Variants in ADCY2 observed in about 807,000 individuals in gnomAD.
ADCY2 encodes adenylate cyclase type 2.
A neutral mutation model predicts 125.2 loss-of-function variants in ADCY2; 31 were observed. The observed-to-expected ratio is 0.25, with a 90% confidence interval of 0.19 to 0.33. The LOEUF is 0.33. Among genes scored for constraint, ADCY2 ranks in the 10% least tolerant of loss-of-function variants. The pLI, the probability that ADCY2 is intolerant of heterozygous loss-of-function variation, is 1.00. For missense variants in ADCY2, 904 were observed against 1,418.2 expected, an observed-to-expected ratio of 0.64 and a Z score of 5.82; for synonymous variants, 512 against 548.4, an observed-to-expected ratio of 0.93 and a Z score of 0.93.
At position 7,706,864 on chromosome 5, in the gene ADCY2, G is replaced by A; in HGVS notation, c.1230G>A (p.Val410=). 3 of 1,614,200 alleles carry A rather than the reference G, an allele frequency of 1.9e-6. No homozygotes were observed. The East Asian group carries it at 6.7e-5, about 36-fold the overall frequency. ...KWQYDVWSHD[V]TLANHMEAGG... is the part of the protein sequence containing the mutation. ...AATATGATGTGTGGTCACATGATGT[G>A]ACCTTGGCCAACCACATGGAAGCTG... Residue 410 remains valine (V), a synonymous_variant, in exon 8 of 25, where the codon GTG becomes GTA. Coordinates refer to ENST00000338316, the MANE Select transcript of ADCY2 (RefSeq NM_020546.3).
At chr5:7,718,145 A>ATTTTTTT (rs59353850) in intron 12 of ADCY2, among the ~76,000 whole-genome samples, 15 of 115,412 alleles carry the variant, frequency 1.3e-4, no homozygotes, top group South Asian at 2.9e-4. Context: ...CCTGTTTTAG[A>ATTTTTTT]TTTTTTTTTT....
intron 3 of ADCY2, among the ~76,000 whole-genome samples, chr5:7,581,674 C>T (rs559909590): frequency 1.4e-5 from 2 of 145,660 alleles, no homozygotes; most frequent in Admixed American, 6.8e-5. Context: ...AAAAAAAAAT[C>T]GCTGGGTTTG....
intron 3 of ADCY2, among the ~76,000 whole-genome samples, chr5:7,523,719 C>T (rs1579534445): frequency 1.3e-5 from 2 of 152,228 alleles, no homozygotes; most frequent in South Asian, 2.1e-4. Context: ...TTATTGAATT[C>T]TTTTTATGCA....
At chr5:7,708,026 G>A in intron 9 of ADCY2, 188 bp downstream of exon 9, 1 of 644,744 alleles carries the variant, frequency 1.6e-6, no homozygotes, top group Non-Finnish European at 2.5e-6. Flanking sequence ...CTTATTAAAT[G>A]AGCAGTTGAA....
intron 2 of ADCY2, among the ~76,000 whole-genome samples, chr5:7,435,637 G>A (rs1206037964): frequency 6.6e-6 from 1 of 152,188 alleles, no homozygotes; most frequent in Non-Finnish European, 1.5e-5. Flanking sequence ...GAGAGTAGTT[G>A]GAGAATGTGT....
chr5:7,495,309 G>C (rs1021394741), intron 2 of ADCY2, among the ~76,000 whole-genome samples: 1 of 152,176 alleles, frequency 6.6e-6, no homozygotes, highest in Admixed American at 6.5e-5. Flanking sequence ...GGAAACGCCT[G>C]TATCTCTGTG....
In ADCY2 at chr5:7,585,077, G is replaced by A. The variant is rs1381586352; in HGVS notation, c.571-41090G>A. ...CTATGGGCACAGACATAGTATATAA[G>A]AGGTGGCCAGATTTCACCATCATTA... is the stretch of plus-strand genomic sequence containing the variant. On this transcript the variant is annotated intron_variant, in intron 3 of 24. Transcript: ENST00000338316. Among the ~76,000 whole-genome samples, 7 of 152,176 alleles carry A rather than the reference G, an allele frequency of 4.6e-5. 1 individual carries two copies. The highest frequency in any genetic ancestry group is 1.7e-4 in the African/African-American group (7 of 41,452).
At chr5:7,542,568 G>A (rs1398590665) in intron 3 of ADCY2, among the ~76,000 whole-genome samples, 1 of 152,192 alleles carries the variant, frequency 6.6e-6, no homozygotes. Flanking sequence ...AAAAAAGGAA[G>A]ATGGAAGAAA....
At chr5:7,405,418 G>T (rs911135014) in intron 1 of ADCY2, among the ~76,000 whole-genome samples, 6 of 151,840 alleles carry the variant, frequency 4.0e-5, no homozygotes, top group African/African-American at 1.5e-4. Flanking sequence ...CTACTGGCAG[G>T]TTAGTTAATC....
chr5:7,546,544 G>A (rs1296689183), intron 3 of ADCY2, among the ~76,000 whole-genome samples: 1 of 152,162 alleles, frequency 6.6e-6, no homozygotes, highest in Non-Finnish European at 1.5e-5. Context: ...TGCACCCACA[G>A]CCAATGATTC....
At chr5:7,403,951 C>A (rs577977850) in intron 1 of ADCY2, among the ~76,000 whole-genome samples, 1 of 151,714 alleles carries the variant, frequency 6.6e-6, no homozygotes, top group Non-Finnish European at 1.5e-5. Flanking sequence ...CACACACACA[C>A]ACACACACAC....
intron 4 of ADCY2, among the ~76,000 whole-genome samples, chr5:7,687,525 C>T (rs1740556847): frequency 1.3e-5 from 2 of 152,088 alleles, no homozygotes; most frequent in Admixed American, 1.3e-4. Context: ...TCCGCTCCCT[C>T]CAAAGAGGGA....
intron 2 of ADCY2, among the ~76,000 whole-genome samples, chr5:7,488,269 C>A (rs1193987962): frequency 6.6e-6 from 1 of 152,116 alleles, no homozygotes; most frequent in Non-Finnish European, 1.5e-5. Flanking sequence ...TGTAAGACAC[C>A]CGTTTGCTCT....
At chr5:7,649,408 A>G (rs1025357193) in intron 4 of ADCY2, among the ~76,000 whole-genome samples, 4 of 152,228 alleles carry the variant, frequency 2.6e-5, no homozygotes, top group African/African-American at 4.8e-5. Flanking sequence ...TGGAGGATCT[A>G]AACAGCTCTT....
At chr5:7,638,996 A>C (rs532493064) in intron 4 of ADCY2, among the ~76,000 whole-genome samples, 28 of 152,270 alleles carry the variant, frequency 1.8e-4, no homozygotes, top group African/African-American at 6.7e-4. Flanking sequence ...ACTTGCTGCC[A>C]TCTGTGTAAG....
chr5:7,494,992 G>A (rs1031727960), intron 2 of ADCY2, among the ~76,000 whole-genome samples: 6 of 152,182 alleles, frequency 3.9e-5, no homozygotes, highest in Admixed American at 6.5e-5. Flanking sequence ...GCCACACCCT[G>A]TCTGGGGAAT....
chr5:7,772,619 T>A (rs1372026126), intron 17 of ADCY2, among the ~76,000 whole-genome samples: 1 of 152,218 alleles, frequency 6.6e-6, no homozygotes, highest in Non-Finnish European at 1.5e-5. Context: ...AAGAAATAGA[T>A]AACATTGGCT....
At chr5:7,506,764 AG>A (rs1354697676) in intron 2 of ADCY2, among the ~76,000 whole-genome samples, 6 of 148,492 alleles carry the variant, frequency 4.0e-5, no homozygotes. Flanking sequence ...TGCGATAGAA[AG>A]GGGTAAATGT....
chr5:7,746,709 A>G (rs146895064), intron 15 of ADCY2, among the ~76,000 whole-genome samples: 109 of 152,354 alleles, frequency 7.2e-4, no homozygotes, highest in African/African-American at 2.5e-3. Context: ...CTATTAACGT[A>G]TGGTAACTTT....
Sources: allele counts gnomAD v4.1 joint callset (sites outside exome capture counted in the v4.1 genomes callset), GRCh38; gene constraint gnomAD v4.1.1; transcripts MANE v1.5; gene names NCBI Gene and HGNC (gene_info 2026-07-23, HGNC 2026-07-21).